EIPR1: variants seen among roughly 807,000 people sequenced by gnomAD.
EIPR1 encodes the protein EARP complex and GARP complex interacting protein 1, also known as EARP and GARP complex-interacting protein 1.
A neutral mutation model predicts 48.1 loss-of-function variants in EIPR1; 25 were observed. The ratio of observed to expected loss-of-function variants is 0.52; its 90% CI spans 0.38 to 0.73. The LOEUF (loss-of-function observed/expected upper bound fraction) is 0.73. EIPR1 is among the 30% of genes least tolerant of loss of function. EIPR1 has a pLI of 0.00. For synonymous variants in EIPR1, 204 were observed against 201.9 expected (o/e 1.01, Z -0.09); for missense variants, 415 against 506.2 (o/e 0.82, Z 1.73).
intron 3 of EIPR1, among the ~76,000 whole-genome samples, chr2:3,333,083 G>A (rs1214142791): frequency 6.6e-6 from 1 of 152,166 alleles, no homozygotes; most frequent in Non-Finnish European, 1.5e-5. Context: ...CTGTGCACGG[G>A]GAGCTCAACA....
intron 3 of EIPR1, among the ~76,000 whole-genome samples, chr2:3,303,754 G>A (rs997192058): frequency 2.6e-5 from 4 of 152,188 alleles, no homozygotes; most frequent in Non-Finnish European, 5.9e-5. Flanking sequence ...CACGTGATAC[G>A]GTGCGGCCTC....
chr2:3,220,182 T>C (rs1392670810), intron 4 of EIPR1, among the ~76,000 whole-genome samples: 1 of 152,178 alleles, frequency 6.6e-6, no homozygotes, highest in African/African-American at 2.4e-5. Context: ...GCTGAAAATA[T>C]TGGGGACCAC....
chr2:3,214,490 G>A (rs886245292), intron 4 of EIPR1: 3 of 406,666 alleles, frequency 7.4e-6, no homozygotes, highest in East Asian at 9.2e-5. Flanking sequence ...CCCACCTGGT[G>A]TGATGCTGCA....
intron 4 of EIPR1, among the ~76,000 whole-genome samples, chr2:3,215,859 C>T (rs977220771): frequency 6.6e-6 from 1 of 152,212 alleles, no homozygotes; most frequent in Non-Finnish European, 1.5e-5. Context: ...AAGGAACACA[C>T]AGAAAGCTCA....
At chr2:3,210,074 G>A (rs1198395535) in intron 5 of EIPR1, among the ~76,000 whole-genome samples, 1 of 152,046 alleles carries the variant, frequency 6.6e-6, no homozygotes, top group Non-Finnish European at 1.5e-5. Flanking sequence ...TGATAACAAA[G>A]GTCCCACGCC....
chr2:3,338,019 C>A lies in EIPR1; in HGVS notation c.257G>T (p.Arg86Ile). The A allele has an allele frequency of 6.3e-7, 1 of 1,591,754 alleles. No individual in the cohort carries two copies. Among genetic ancestry groups the A allele is most frequent in the Non-Finnish European group, 8.5e-7 (1 of 1,174,124 alleles). The part of the protein sequence containing the change: ...DRGVLTTCYN[R>I]TSDSKVLTCA... Reference sequence around the variant, plus strand: ...TACCTTAGAAAAGCCGCACTTACTTCTGTTGTAGCAGGTCGTCAGCACACC... The same window carrying A: ...TACCTTAGAAAAGCCGCACTTACTTATGTTGTAGCAGGTCGTCAGCACACC... The change falls in exon 3 of 9, where the codon AGA becomes ATA. Residue 86 changes from arginine (R) to isoleucine (I), a missense_variant and splice_region_variant. Transcript: ENST00000382125.
chr2:3,281,740 T>C (rs959778423), intron 3 of EIPR1, among the ~76,000 whole-genome samples: 57 of 152,334 alleles, frequency 3.7e-4, no homozygotes, highest in Non-Finnish European at 6.8e-4. Flanking sequence ...TGTCCAACCA[T>C]CCCAAATTAA....
intron 3 of EIPR1, among the ~76,000 whole-genome samples, chr2:3,290,745 G>A (rs560790075): frequency 3.3e-4 from 51 of 152,328 alleles, no homozygotes; most frequent in African/African-American, 7.0e-4. Flanking sequence ...GGGGCTGAGC[G>A]CACTTGCTGT....
At chr2:3,350,313 G>C (rs913410115) in intron 2 of EIPR1, among the ~76,000 whole-genome samples, 3 of 152,022 alleles carry the variant, frequency 2.0e-5, no homozygotes, top group South Asian at 4.2e-4. Context: ...AGCATGAAGG[G>C]GGATGTGCCA....
At chr2:3,258,078 T>C (rs933793436) in intron 3 of EIPR1, among the ~76,000 whole-genome samples, 2 of 152,188 alleles carry the variant, frequency 1.3e-5, no homozygotes, top group Admixed American at 1.3e-4. Context: ...CCTCTTCTCC[T>C]AGAAATGAGA....
chr2:3,338,894 TTAAAAG>T (rs1424152059), intron 2 of EIPR1, among the ~76,000 whole-genome samples: 1 of 152,226 alleles, frequency 6.6e-6, no homozygotes, highest in African/African-American at 2.4e-5. Context: ...AATTCCTCTT[TTAAAAG>T]TAAATTTGTA....
chr2:3,284,070 C>T (rs73133151), intron 3 of EIPR1, among the ~76,000 whole-genome samples: 6,183 of 152,216 alleles, frequency 0.041, 144 homozygotes, highest in South Asian at 0.092. Flanking sequence ...AGGAAGCAGA[C>T]GTGCAAATGG....
chr2:3,289,748 G>A (rs1471425824), intron 3 of EIPR1, among the ~76,000 whole-genome samples: 1 of 152,192 alleles, frequency 6.6e-6, no homozygotes, highest in African/African-American at 2.4e-5. Flanking sequence ...CACATGATAC[G>A]CAATTCACAC....
intron 3 of EIPR1, among the ~76,000 whole-genome samples, chr2:3,322,680 G>A (rs1669571292): frequency 6.6e-6 from 1 of 152,196 alleles, no homozygotes; most frequent in Non-Finnish European, 1.5e-5. Flanking sequence ...ATCTGCCTTT[G>A]GCTGAACAGA....
chr2:3,264,812 T>A (rs898078889), intron 3 of EIPR1, among the ~76,000 whole-genome samples: 1 of 152,106 alleles, frequency 6.6e-6, no homozygotes, highest in African/African-American at 2.4e-5. Flanking sequence ...CTCAGCCTCC[T>A]GAGTAGCTGG....
intron 3 of EIPR1, among the ~76,000 whole-genome samples, chr2:3,298,707 A>G (rs1463568018): frequency 1.3e-5 from 2 of 152,082 alleles, no homozygotes; most frequent in East Asian, 3.9e-4. Flanking sequence ...AAGGATTGAC[A>G]GCAGCCAAAG....
intron 1 of EIPR1, among the ~76,000 whole-genome samples, chr2:3,358,003 C>T (rs572250520): frequency 1.3e-5 from 2 of 152,262 alleles, no homozygotes; most frequent in South Asian, 2.1e-4. Context: ...TGAGCCACTA[C>T]GTTTATGGGA....
chr2:3,235,447 C>T (rs60936022), intron 4 of EIPR1, among the ~76,000 whole-genome samples: 545 of 28,584 alleles, frequency 0.019, 4 homozygotes, highest in African/African-American at 0.03. Flanking sequence ...CACGCGTGCG[C>T]GCACACACAC....
intron 4 of EIPR1, among the ~76,000 whole-genome samples, chr2:3,246,992 GAGAGCGAGGGA>G (rs1409367480): frequency 0.095 from 20 of 210 alleles, no homozygotes; most frequent in African/African-American, 0.11. Context: ...GAGGGAGGGA[GAGAGCGAGGGA>G]GGAGAGAGCG....
Sources: allele counts gnomAD v4.1 joint callset (sites outside exome capture counted in the v4.1 genomes callset), GRCh38; gene constraint gnomAD v4.1.1; transcripts MANE v1.5; gene names NCBI Gene and HGNC (gene_info 2026-07-23, HGNC 2026-07-21).